CACNG2: variants seen among roughly 807,000 people sequenced by gnomAD.
CACNG2 encodes the protein voltage-dependent calcium channel gamma-2 subunit.
CACNG2 carries 3 observed loss-of-function variants against 25.9 expected under a neutral mutation model. That is an observed-to-expected ratio of 0.12 (90% CI 0.05 to 0.30). The LOEUF is 0.30. Among genes scored for constraint, CACNG2 ranks in the 10% least tolerant of loss-of-function variants. The pLI, the probability that CACNG2 is intolerant of heterozygous loss-of-function variation, is 1.00. For missense variants in CACNG2, 341 were observed against 432.5 expected (o/e 0.79, Z 1.88); for synonymous variants, 167 against 173.3 (o/e 0.96, Z 0.29).
intron 1 of CACNG2, among the ~76,000 whole-genome samples, chr22:36,671,529 A>C (rs1936948949): frequency 6.6e-6 from 1 of 152,236 alleles, no homozygotes; most frequent in Non-Finnish European, 1.5e-5. Context: ...ACAAGCCGAG[A>C]GAGGCTCGAA....
At chr22:36,698,789 G>T (rs1354612449) in intron 1 of CACNG2, among the ~76,000 whole-genome samples, 2 of 152,178 alleles carry the variant, frequency 1.3e-5, no homozygotes, top group Non-Finnish European at 2.9e-5. Flanking sequence ...AGAAAACACG[G>T]AGTCTGCTTC....
intron 1 of CACNG2, among the ~76,000 whole-genome samples, chr22:36,615,770 GGAACAGTCT>G (rs1451314977): frequency 3.5e-5 from 3 of 86,768 alleles, no homozygotes; most frequent in Non-Finnish European, 5.0e-5. Context: ...AAATATTTGT[GGAACAGTCT>G]GATTTAGCTT....
At chr22:36,572,821 C>T (rs146236264) in intron 2 of CACNG2, among the ~76,000 whole-genome samples, 16 of 152,236 alleles carry the variant, frequency 1.1e-4, no homozygotes, top group African/African-American at 2.2e-4. Context: ...GAAAAGGCCA[C>T]GTGGTCCAGA....
At chr22:36,701,656 G>A (rs1937413121) in intron 1 of CACNG2, among the ~76,000 whole-genome samples, 1 of 152,050 alleles carries the variant, frequency 6.6e-6, no homozygotes, top group Admixed American at 6.6e-5. Flanking sequence ...ACCCGCAAGT[G>A]AATTGCTGTT....
At chr22:36,680,075 C>G (rs1341218602) in intron 1 of CACNG2, among the ~76,000 whole-genome samples, 1 of 151,706 alleles carries the variant, frequency 6.6e-6, no homozygotes, top group African/African-American at 2.4e-5. Flanking sequence ...ATCATTATCA[C>G]CACCATCACC....
At chr22:36,570,768 A>T (rs1412377171) in intron 2 of CACNG2, among the ~76,000 whole-genome samples, 1 of 149,456 alleles carries the variant, frequency 6.7e-6, no homozygotes, top group East Asian at 1.9e-4. Context: ...ATCTCAAAAA[A>T]AAAAAAAAAA....
At chr22:36,633,346 CT>C (rs776879602) in intron 1 of CACNG2, among the ~76,000 whole-genome samples, 4 of 152,174 alleles carry the variant, frequency 2.6e-5, no homozygotes, top group African/African-American at 4.8e-5. Flanking sequence ...TGCTATTGTT[CT>C]TCCTAATGTC....
intron 1 of CACNG2, among the ~76,000 whole-genome samples, chr22:36,588,044 C>G (rs1908787352): frequency 6.6e-6 from 1 of 152,236 alleles, no homozygotes; most frequent in South Asian, 2.1e-4. Context: ...ATCTGCAATT[C>G]CGCACGGAAT....
chr22:36,614,582 G>A (rs957486966), intron 1 of CACNG2, among the ~76,000 whole-genome samples: 6 of 152,168 alleles, frequency 3.9e-5, no homozygotes, highest in African/African-American at 1.4e-4. Flanking sequence ...AGAGGCAGAG[G>A]CAGCCTGTCC....
chr22:36,698,578 G>A (rs1449544473), intron 1 of CACNG2, among the ~76,000 whole-genome samples: 2 of 152,150 alleles, frequency 1.3e-5, no homozygotes, highest in East Asian at 1.9e-4. Flanking sequence ...ACCATTGAGA[G>A]AGACACTTCT....
intron 1 of CACNG2, among the ~76,000 whole-genome samples, chr22:36,613,896 C>T (rs1449014377): frequency 6.6e-6 from 1 of 152,058 alleles, no homozygotes; most frequent in Non-Finnish European, 1.5e-5. Flanking sequence ...TGATTTCTAC[C>T]TCTTCATCTC....
At chr22:36,600,500 A>G (rs1049124197) in intron 1 of CACNG2, among the ~76,000 whole-genome samples, 2 of 151,704 alleles carry the variant, frequency 1.3e-5, no homozygotes. Flanking sequence ...CCTAATGAAC[A>G]TAACCTGTAC....
intron 1 of CACNG2, among the ~76,000 whole-genome samples, chr22:36,657,056 A>C (rs955699037): frequency 1.3e-5 from 2 of 152,122 alleles, no homozygotes; most frequent in African/African-American, 4.8e-5. Flanking sequence ...GAAGTGCTCG[A>C]CAGTGATTTG....
In CACNG2 at chr22:36,566,456, A is replaced by G. The variant is rs773146757; in HGVS notation, c.333T>C (p.Ser111=). The G allele has an allele frequency of 2.5e-6, 4 of 1,614,042 alleles. No individual in the cohort carries two copies. Among genetic ancestry groups the G allele is most frequent in the Non-Finnish European group, 3.4e-6 (4 of 1,179,994 alleles). The change falls in exon 3 of 4, where the codon AGT becomes AGC. Residue 111 remains serine, a synonymous_variant. Coordinates refer to ENST00000300105, the MANE Select transcript of CACNG2 (RefSeq NM_006078.5). ...VRASSIFPIL[S]VILLFMGGLC... ...GGCCACCCATGAAAAGCAGAATCAC[A>G]CTCAGGATTGGGAAAATGCTGGAGG...
At chr22:36,616,510 T>A (rs1936023511) in intron 1 of CACNG2, among the ~76,000 whole-genome samples, 1 of 152,068 alleles carries the variant, frequency 6.6e-6, no homozygotes, top group African/African-American at 2.4e-5. Flanking sequence ...CCAGCGAGAG[T>A]GTAAGTTCCT....
intron 1 of CACNG2, among the ~76,000 whole-genome samples, chr22:36,613,685 C>G (rs971094942): frequency 6.6e-6 from 1 of 152,068 alleles, no homozygotes; most frequent in Non-Finnish European, 1.5e-5. Context: ...TGATGACCCA[C>G]AAGTCTTTAT....
At chr22:36,590,968 C>T (rs1201037147) in intron 1 of CACNG2, among the ~76,000 whole-genome samples, 3 of 152,270 alleles carry the variant, frequency 2.0e-5, no homozygotes, top group African/African-American at 7.2e-5. Context: ...CTCCTTCTGC[C>T]TCCCTGCACT....
intron 1 of CACNG2, among the ~76,000 whole-genome samples, chr22:36,666,551 G>C (rs1161970280): frequency 6.6e-6 from 1 of 152,070 alleles, no homozygotes; most frequent in African/African-American, 2.4e-5. Context: ...TTGTTTGCTT[G>C]GGACAAAGTT....
chr22:36,606,012 C>T lies in CACNG2; in HGVS notation c.212-18464G>A, dbSNP rs750594634. On this transcript the variant is annotated intron_variant, in intron 1 of 3. Coordinates refer to ENST00000300105, the MANE Select transcript of CACNG2 (RefSeq NM_006078.5). The surrounding 1 kb of genome is among the most constrained non-coding windows in gnomAD (Gnocchi z 5.7). ...CCTGTGGTGTGGTGGCTGTGCCTCT[C>T]GCAGGAGAGCGTGGGTCTGAGTTCT... Among the ~76,000 whole-genome samples, 13 of 152,232 alleles carry T rather than the reference C, an allele frequency of 8.5e-5. No individual in the cohort carries two copies. The highest frequency in any genetic ancestry group is 3.2e-3 in the Middle Eastern group (1 of 316).
Sources: allele counts gnomAD v4.1 joint callset (sites outside exome capture counted in the v4.1 genomes callset), GRCh38; gene constraint gnomAD v4.1.1; non-coding constraint Gnocchi (gnomAD v3.1); transcripts MANE v1.5; gene names NCBI Gene and HGNC (gene_info 2026-07-23, HGNC 2026-07-21).